The following SLC26A6 variants were observed in gnomAD, a reference collection of about 807,000 sequenced individuals.
The protein encoded by SLC26A6 is anion exchange transporter.
Under a neutral mutation model 87.1 loss-of-function variants are expected in SLC26A6, and 67 were observed. The ratio of observed to expected loss-of-function variants is 0.77; its 90% CI spans 0.63 to 0.94. The LOEUF (loss-of-function observed/expected upper bound fraction) is 0.94. Ranked by LOEUF, SLC26A6 falls within the 40% of genes least tolerant of loss-of-function variation. The pLI is 0.00. For missense variants in SLC26A6, 902 were observed against 973.0 expected, an observed-to-expected ratio of 0.93 and a Z score of 0.97; for synonymous variants, 414 against 405.9, an observed-to-expected ratio of 1.02 and a Z score of -0.24.
In SLC26A6 at chr3:48,628,419, C is replaced by A. The variant is rs1304319850; in HGVS notation, c.1800+15G>T. ...GGGGCAGGAGATGGGGGTCACCAGA[C>A]AAAAGGGGCCCTGCCTGTTTCCGAA... On this transcript the variant is annotated intron_variant, in intron 16 of 20. Coordinates refer to ENST00000395550, the MANE Select transcript of SLC26A6 (RefSeq NM_022911.3). This position sits in a 1 kb window ranked among gnomAD's most constrained non-coding sequence, Gnocchi z 4.4. 1.2e-6 allele frequency: 2 copies of A among 1,613,650 alleles called. No homozygotes were observed. Among genetic ancestry groups the A allele is most frequent in the Admixed American group, 3.3e-5 (2 of 60,012 alleles).
chr3:48,629,871 C>G lies in SLC26A6; in HGVS notation c.1529+1G>C, dbSNP rs1223184099. ...TGAGGGGACCAACATGGCGGACTCA[C>G]ATCTGTGTCCGGACCACCACGAGCA... On this transcript the variant is annotated splice_donor_variant, in intron 13 of 20. Transcript: ENST00000395550. LOFTEE classifies it high-confidence loss of function. The G allele has an allele frequency of 7.4e-6, 12 of 1,614,012 alleles. No homozygotes were observed. The highest frequency in any genetic ancestry group is 1.0e-5 in the Non-Finnish European group (12 of 1,180,004).
At position 48,633,541 on chromosome 3, in the gene SLC26A6, G is replaced by C. The variant is rs764453264; in HGVS notation, c.118C>G (p.His40Asp). 5.6e-6 allele frequency: 9 copies of C among 1,613,370 alleles called. No homozygotes were observed. Among genetic ancestry groups the C allele is most frequent in the Non-Finnish European group, 7.6e-6 (9 of 1,180,014 alleles). ...CCCCAGCGCCCCAGCTCCTCCAAAT[G>C]CTCCTGGTTCAGCAGCGGCCGTTCC... ...HMERPLLNQEHLEELGRWGSA... is the reference protein window; with the variant it reads ...HMERPLLNQEDLEELGRWGSA... The change falls in exon 2 of 21, where the codon CAT (histidine) becomes GAT (aspartate). Residue 40 changes from histidine to aspartate, a missense_variant. Coordinates refer to ENST00000395550, the MANE Select transcript of SLC26A6 (RefSeq NM_022911.3).
intron 3 of SLC26A6, 83 bp from the exon 4 acceptor site, chr3:48,633,167 T>C (rs1055141304): frequency 3.8e-6 from 6 of 1,585,330 alleles, no homozygotes; most frequent in East Asian, 4.5e-5. Context: ...TTAGGTGCCA[T>C]AGTTCCAAGG....
At chr3:48,629,455 T>C (rs968320155) in intron 14 of SLC26A6, among the ~76,000 whole-genome samples, 187 bp downstream of exon 14, 4 of 152,082 alleles carry the variant, frequency 2.6e-5, no homozygotes, top group African/African-American at 9.7e-5. Context: ...CTCTGTCCAC[T>C]CTCCCTCTGT....
In SLC26A6 at chr3:48,626,936, G is replaced by A. The variant is rs1477842897; in HGVS notation, c.2013C>T (p.Leu671=). ...AGGAGAGGGCACCCAGGTCCAGGATGAGGCTGTGGAAGTCTGGCTGAGGCA... is the reference window on the plus strand; with the variant it reads ...AGGAGAGGGCACCCAGGTCCAGGATAAGGCTGTGGAAGTCTGGCTGAGGCA... ...LGLPQPDFHS[L]ILDLGALSFV... The change falls in exon 18 of 21, where the codon CTC becomes CTT. Residue 671 remains leucine (L), a synonymous_variant. Transcript: ENST00000395550. 6.2e-7 allele frequency: 1 copy of A among 1,614,104 alleles called. No individual in the cohort carries two copies. The highest frequency in any genetic ancestry group is 8.5e-7 in the Non-Finnish European group (1 of 1,180,042).
At chr3:48,629,759 T>C (rs1182029721) in intron 13 of SLC26A6, 48 bp from the exon 14 acceptor site, 1 of 1,610,660 alleles carries the variant, frequency 6.2e-7, no homozygotes, top group East Asian at 2.2e-5. Flanking sequence ...AAAAAGGGGA[T>C]AACAGAGGGG....
Position 48,630,995 on chromosome 3 carries a change from G to A in SLC26A6, c.1132C>T (p.Gln378Ter), listed in dbSNP as rs1201461382. ...TACACATCCCGCATCACCCAGACCTGGTTGCTGTCCACCCGGTAGCCGTGC... is the reference window on the plus strand; with the variant it reads ...TACACATCCCGCATCACCCAGACCTAGTTGCTGTCCACCCGGTAGCCGTGC... ...LRHGYRVDSN[Q>*]ELVALGLSNL... The change falls in exon 9 of 21, where the codon CAG (glutamine) becomes TAG (stop). Residue 378 changes from glutamine (Q) to a stop codon, truncating the protein, a stop_gained and splice_region_variant. Transcript: ENST00000395550. LOFTEE classifies it high-confidence loss of function. 11 of 1,613,642 alleles carry A rather than the reference G, an allele frequency of 6.8e-6. No homozygotes were observed. In the East Asian group the frequency reaches 1.3e-4, roughly 20 times the overall value.
chr3:48,627,893 C>G, intron 17 of SLC26A6, 53 bp downstream of exon 17: 1 of 1,514,296 alleles, frequency 6.6e-7, no homozygotes, highest in South Asian at 1.2e-5. Flanking sequence ...ACATGTGGAT[C>G]CTGCATCTCT....
intron 14 of SLC26A6, 120 bp downstream of exon 14, chr3:48,629,522 G>A: frequency 8.8e-7 from 1 of 1,134,156 alleles, no homozygotes; most frequent in Non-Finnish European, 1.3e-6. Flanking sequence ...AAATCCCAAA[G>A]ACCAAAGCCA....
chr3:48,630,765 C>T, intron 9 of SLC26A6, 45 bp from the exon 10 acceptor site: 1 of 1,560,274 alleles, frequency 6.4e-7, no homozygotes, highest in Non-Finnish European at 8.7e-7. Context: ...CTAGAAGTGG[C>T]TGGTCACTGT....
At chr3:48,627,903 T>C (rs373752664) in intron 17 of SLC26A6, 43 bp downstream of exon 17, 2 of 1,548,806 alleles carry the variant, frequency 1.3e-6, no homozygotes, top group Non-Finnish European at 1.7e-6. Context: ...CCTGCATCTC[T>C]GCAGCTCACA....
chr3:48,628,574 C>G lies in SLC26A6; in HGVS notation c.1693-33G>C, dbSNP rs2046691321. 12 of 1,613,920 alleles carry G rather than the reference C, an allele frequency of 7.4e-6. No individual in the cohort carries two copies. In the South Asian group the frequency reaches 1.3e-4, roughly 18 times the overall value. On this transcript the variant is annotated intron_variant, in intron 15 of 20. Transcript: ENST00000395550. This position sits in a 1 kb window ranked among gnomAD's most constrained non-coding sequence, Gnocchi z 4.4. ...CAAACATCAGAGAAGGGTTGGTGAGCTCTCTGGGAGCTGGGGCCTGACACC... is the reference window on the plus strand; with the variant it reads ...CAAACATCAGAGAAGGGTTGGTGAGGTCTCTGGGAGCTGGGGCCTGACACC...
At chr3:48,627,834 G>A (rs756257213) in intron 17 of SLC26A6, 112 bp downstream of exon 17, 240 of 977,164 alleles carry the variant, frequency 2.5e-4, no homozygotes, top group Non-Finnish European at 2.9e-4. Flanking sequence ...TGCCATCGGC[G>A]CAACACCCTC....
rs1400490908 is a variant in SLC26A6 at position 48,628,289 on chromosome 3, G to A, written c.1800+145C>T. 17 of 1,101,648 alleles carry A rather than the reference G, an allele frequency of 1.5e-5. No individual in the cohort carries two copies. Among genetic ancestry groups the A allele is most frequent in the Non-Finnish European group, 2.1e-5 (16 of 764,874 alleles). 68.2% of individuals were successfully genotyped at this position (1,101,648 alleles called of 1,614,324 possible). A position where few individuals can be genotyped will look rare whatever the true frequency, so the allele number is the denominator to read the frequency against. On this transcript the variant is annotated intron_variant, in intron 16 of 20. Coordinates refer to ENST00000395550, the MANE Select transcript of SLC26A6 (RefSeq NM_022911.3). This position sits in a 1 kb window ranked among gnomAD's most constrained non-coding sequence, Gnocchi z 4.4. Reference sequence around the variant, plus strand: ...TGCCTAGAGCCCGGACCTGCTAGGGGAGTGAAGCAGGGTCCCTGGGAGCAT... The same window carrying A: ...TGCCTAGAGCCCGGACCTGCTAGGGAAGTGAAGCAGGGTCCCTGGGAGCAT...
intron 18 of SLC26A6, 46 bp downstream of exon 18, chr3:48,626,830 G>T: frequency 6.2e-7 from 1 of 1,605,726 alleles, no homozygotes; most frequent in South Asian, 1.1e-5. Flanking sequence ...CAAATTACAG[G>T]GTCAGTGTGG....
intron 7 of SLC26A6, 86 bp from the exon 8 acceptor site, chr3:48,631,392 T>C: frequency 2.2e-6 from 3 of 1,394,742 alleles, no homozygotes; most frequent in South Asian, 1.5e-5. Context: ...AGGAGGGAGA[T>C]ACTGGGCAAA....
At position 48,626,731 on chromosome 3, in the gene SLC26A6, CAG is replaced by C. The variant is rs760934876; in HGVS notation, c.2074-48_2074-47del. On this transcript the variant is annotated intron_variant, in intron 18 of 20. Transcript: ENST00000395550. Reference sequence around the variant, plus strand: ...AGCCTCAGAGGGAGGCTCAGGGACTCAGAGGGGGGCTCGGGCAGGCTTGGGGA... The same window carrying C: ...AGCCTCAGAGGGAGGCTCAGGGACTCAGGGGGGCTCGGGCAGGCTTGGGGA... 6.2e-6 allele frequency: 10 copies of C among 1,613,110 alleles called. No individual in the cohort carries two copies. The South Asian group carries it at 7.7e-5, about 12-fold the overall frequency.
At chr3:48,635,264 GGC>G in intron 1 of SLC26A6, 105 bp downstream of exon 1, 1 of 1,168,270 alleles carries the variant, frequency 8.6e-7, no homozygotes, top group African/African-American at 2.1e-5. Context: ...GGTAAACCGA[GGC>G]GTCGCAAGCG....
Position 48,632,971 on chromosome 3 carries a change from TA to T in SLC26A6, c.433+2del, listed in dbSNP as rs1435307824. 6.2e-7 allele frequency: 1 copy of T among 1,612,452 alleles called. No individual in the cohort carries two copies. The highest frequency in any genetic ancestry group is 8.5e-7 in the Non-Finnish European group (1 of 1,179,368). On this transcript the variant is annotated splice_donor_variant, in intron 4 of 20. Transcript: ENST00000395550. LOFTEE classifies it high-confidence loss of function. ...CTGGAAGGCTAGGCCTGCCTCCACT[TA>T]CCCACGGAGATGTGCCGGGAAGTGC...
Sources: allele counts gnomAD v4.1 joint callset (sites outside exome capture counted in the v4.1 genomes callset), GRCh38; gene constraint gnomAD v4.1.1; non-coding constraint Gnocchi (gnomAD v3.1); transcripts MANE v1.5; gene names NCBI Gene and HGNC (gene_info 2026-07-23, HGNC 2026-07-21).